EFL1: variants seen among roughly 807,000 people sequenced by gnomAD.
EFL1 encodes the protein elongation factor-like GTPase 1.
EFL1 carries 76 observed loss-of-function variants against 126.7 expected under a neutral mutation model. The observed-to-expected ratio is 0.60, with a 90% CI of 0.50 to 0.73. The LOEUF (loss-of-function observed/expected upper bound fraction) is 0.73, where lower values mean the gene tolerates loss of function less well. Ranked by LOEUF, EFL1 falls within the 30% of genes least tolerant of loss-of-function variation. The probability of loss-of-function intolerance (pLI) is 0.00; values close to 1 mark genes in which losing one functional copy is unlikely to be tolerated. For missense variants in EFL1, 1,128 were observed against 1,343.2 expected (o/e 0.84, Z 2.50); for synonymous variants, 410 against 448.4 (o/e 0.91, Z 1.08).
intron 15 of EFL1, among the ~76,000 whole-genome samples, chr15:82,178,346 T>A (rs2074215890): frequency 6.6e-6 from 1 of 152,152 alleles, no homozygotes; most frequent in Non-Finnish European, 1.5e-5. Flanking sequence ...TATCAACTAA[T>A]CTGGGCATCC....
intron 4 of EFL1, among the ~76,000 whole-genome samples, chr15:82,248,702 A>G (rs982713682): frequency 6.6e-6 from 1 of 152,170 alleles, no homozygotes; most frequent in African/African-American, 2.4e-5. Flanking sequence ...CCAGGCTATT[A>G]GCTAGACTAT....
chr15:82,180,099 A>G (rs1245401411), intron 15 of EFL1, among the ~76,000 whole-genome samples: 1 of 152,134 alleles, frequency 6.6e-6, no homozygotes, highest in Non-Finnish European at 1.5e-5. Context: ...CCACACCTCT[A>G]CTGATCACAC....
At chr15:82,168,020 G>C (rs924602773) in intron 15 of EFL1, among the ~76,000 whole-genome samples, 9 of 152,182 alleles carry the variant, frequency 5.9e-5, no homozygotes, top group Non-Finnish European at 1.3e-4. Flanking sequence ...ATGCCTGTGA[G>C]AGAACATCAC....
At chr15:82,156,473 G>A (rs1006812908) in intron 17 of EFL1, among the ~76,000 whole-genome samples, 1 of 152,044 alleles carries the variant, frequency 6.6e-6, no homozygotes. Flanking sequence ...TTAGTAGAGA[G>A]GGAGTTTCAC....
chr15:82,230,604 A>G (rs974411572), intron 8 of EFL1, among the ~76,000 whole-genome samples: 5 of 152,172 alleles, frequency 3.3e-5, no homozygotes, highest in African/African-American at 1.2e-4. Context: ...TTCTGAAAAA[A>G]AAAGAAAAGA....
At chr15:82,147,755 TGA>T (rs2073864081) in intron 18 of EFL1, among the ~76,000 whole-genome samples, 1 of 151,206 alleles carries the variant, frequency 6.6e-6, no homozygotes, top group Non-Finnish European at 1.5e-5. Flanking sequence ...TGCAGAGTAA[TGA>T]GAGTCTAAAA....
At chr15:82,158,116 C>T (rs2073986343) in intron 16 of EFL1, among the ~76,000 whole-genome samples, 2 of 152,194 alleles carry the variant, frequency 1.3e-5, no homozygotes, top group South Asian at 4.1e-4. Context: ...TTCAAATACT[C>T]TGCAGATACA....
chr15:82,132,140 A>G (rs887004727), intron 19 of EFL1, among the ~76,000 whole-genome samples: 1 of 152,212 alleles, frequency 6.6e-6, no homozygotes, highest in Admixed American at 6.5e-5. Flanking sequence ...GACCCACTAG[A>G]CACTATAGAA....
At chr15:82,143,761 A>C (rs1380394471) in intron 18 of EFL1, among the ~76,000 whole-genome samples, 1 of 152,228 alleles carries the variant, frequency 6.6e-6, no homozygotes, top group African/African-American at 2.4e-5. Flanking sequence ...TTACTATTAT[A>C]ATCAGTGACT....
intron 18 of EFL1, among the ~76,000 whole-genome samples, chr15:82,147,507 T>G (rs2073860347): frequency 7.2e-6 from 1 of 138,748 alleles, no homozygotes; most frequent in Admixed American, 7.9e-5. Context: ...CTGGGCGTGG[T>G]GGTGCACGTG....
chr15:82,176,762 T>C (rs774356741), intron 15 of EFL1, among the ~76,000 whole-genome samples: 2 of 152,214 alleles, frequency 1.3e-5, no homozygotes, highest in Non-Finnish European at 2.9e-5. Flanking sequence ...GCCTACTCTA[T>C]GACCCAATAA....
chr15:82,259,133 A>T lies in EFL1; in HGVS notation c.114T>A (p.Cys38Ter). ...VDHGKTTLAD[C>*]LISSNGIISS... Reference sequence around the variant, plus strand: ...AGATGATTCCATTGCTAGATATAAGACAGTCAGCCAGAGTAGTTTTTCCTG... The same window carrying T: ...AGATGATTCCATTGCTAGATATAAGTCAGTCAGCCAGAGTAGTTTTTCCTG... The change falls in exon 3 of 20, where the codon TGT becomes TGA. Residue 38 changes from cysteine to a stop codon, truncating the protein, a stop_gained. Transcript: ENST00000268206. LOFTEE classifies it high-confidence loss of function. 1 of 1,614,086 alleles carries T rather than the reference A, an allele frequency of 6.2e-7. No individual in the cohort carries two copies. Among genetic ancestry groups the T allele is most frequent in the Non-Finnish European group, 8.5e-7 (1 of 1,179,958 alleles).
intron 7 of EFL1, among the ~76,000 whole-genome samples, chr15:82,237,394 A>G (rs2141322978): frequency 6.6e-6 from 1 of 152,330 alleles, no homozygotes; most frequent in Admixed American, 6.5e-5. Flanking sequence ...ATGACAAATC[A>G]GCACATGAAA....
chr15:82,216,987 A>C (rs1281285631), intron 14 of EFL1, among the ~76,000 whole-genome samples: 1 of 152,174 alleles, frequency 6.6e-6, no homozygotes, highest in African/African-American at 2.4e-5. Context: ...TAAAACAATA[A>C]AGTACCATAA....
At chr15:82,186,846 C>A (rs1405071978) in intron 15 of EFL1, among the ~76,000 whole-genome samples, 3 of 152,116 alleles carry the variant, frequency 2.0e-5, no homozygotes, top group Non-Finnish European at 4.4e-5. Context: ...ATGATCGAGG[C>A]TTGTTTTGCT....
At chr15:82,145,565 C>T (rs1271306739) in intron 18 of EFL1, among the ~76,000 whole-genome samples, 2 of 151,978 alleles carry the variant, frequency 1.3e-5, no homozygotes, top group African/African-American at 4.8e-5. Context: ...GGCACGGTGG[C>T]TCATGCCTGT....
intron 18 of EFL1, among the ~76,000 whole-genome samples, chr15:82,148,585 GAACA>G (rs1268856411): frequency 6.6e-6 from 1 of 152,122 alleles, no homozygotes; most frequent in Non-Finnish European, 1.5e-5. Flanking sequence ...GGAGAATGGT[GAACA>G]AACTATAGCA....
intron 12 of EFL1, 120 bp from the exon 13 acceptor site, chr15:82,220,349 C>T (rs1013678602): frequency 5.7e-6 from 7 of 1,236,708 alleles, no homozygotes; most frequent in Admixed American, 4.9e-5. Context: ...CAATTTTGTC[C>T]AAGTCCTCTC....
intron 3 of EFL1, among the ~76,000 whole-genome samples, chr15:82,258,437 G>C (rs2075084759): frequency 6.6e-6 from 1 of 152,102 alleles, no homozygotes; most frequent in Non-Finnish European, 1.5e-5. Flanking sequence ...TGTAGTCCCA[G>C]GTACCCAAGA....
Sources: gnomAD v4.1 joint callset for allele counts (sites outside exome capture counted in the v4.1 genomes callset) on GRCh38, gnomAD v4.1.1 for gene constraint, MANE v1.5 for transcripts, NCBI Gene and HGNC (gene_info 2026-07-23, HGNC 2026-07-21) for gene names.